Variants in NEBL observed in about 807,000 individuals in gnomAD.
NEBL encodes the protein LIM and SH3 protein 2.
Under a neutral mutation model 140.2 loss-of-function variants are expected in NEBL, and 122 were observed. The ratio of observed to expected loss-of-function variants is 0.87; its 90% confidence interval spans 0.75 to 1.01. The LOEUF (loss-of-function observed/expected upper bound fraction) is 1.01, where lower values mean the gene tolerates loss of function less well. Ranked by LOEUF, NEBL falls within the 50% of genes least tolerant of loss-of-function variation. The pLI, the probability that NEBL is intolerant of heterozygous loss-of-function variation, is 0.00. For synonymous variants in NEBL, 436 were observed against 398.9 expected (o/e 1.09, Z -1.11); for missense variants, 1,365 against 1,231.3 (o/e 1.11, Z -1.62).
At chr10:20,826,634 A>G (rs933282622) in intron 17 of NEBL, 95 bp from the exon 18 acceptor site, 11 of 894,600 alleles carry the variant, frequency 1.2e-5, no homozygotes, top group Non-Finnish European at 1.8e-5. Flanking sequence ...GTTTTATAAT[A>G]ATATGAATAC....
chr10:20,876,194 C>T lies in NEBL; in HGVS notation c.480+4600G>A, dbSNP rs148126554. Among the ~76,000 whole-genome samples the T allele has an allele frequency of 3.3e-3, 510 of 152,240 alleles. 2 individuals are homozygous for T. Among genetic ancestry groups the T allele is most frequent in the African/African-American group, 0.012 (493 of 41,560 alleles). On this transcript the variant is annotated intron_variant, in intron 5 of 27. Coordinates refer to ENST00000377122, the MANE Select transcript of NEBL (RefSeq NM_006393.3). ...GAAGAGAGAAAAAGTTTTCAGTCTT[C>T]CAAAAGAAGGAGTAAAATACAGAGT...
At chr10:21,018,772 G>A (rs2131765263) in intron 3 of NEBL, among the ~76,000 whole-genome samples, 1 of 152,296 alleles carries the variant, frequency 6.6e-6, no homozygotes, top group African/African-American at 2.4e-5. Flanking sequence ...GGCTCACGCT[G>A]TAATCCCAGC....
At chr10:21,068,136 C>T (rs953934164) in intron 2 of NEBL, among the ~76,000 whole-genome samples, 20 of 152,174 alleles carry the variant, frequency 1.3e-4, no homozygotes, top group African/African-American at 2.9e-4. Context: ...CATGATTCTA[C>T]ACTTTACATT....
chr10:21,227,791 T>TTTC lies in NEBL; in HGVS notation n.348+20127_348+20129dup, dbSNP rs148503650. Among the ~76,000 whole-genome samples the TTTC allele has an allele frequency of 2.5e-3, 371 of 146,548 alleles. 4 individuals carry two copies. The highest frequency in any genetic ancestry group is 6.9e-3 in the Middle Eastern group (2 of 288). On this transcript the variant is annotated intron_variant and non_coding_transcript_variant, in intron 3 of 8. Coordinates refer to the NEBL transcript ENST00000675702. ...TTCTTTCTGCTTCTTCTTTCTCTTC[T>TTTC]TTCTTCTTCTTCTTCTTCTTCTTGT...
At chr10:21,204,056 G>A (rs749501480) in intron 3 of NEBL, among the ~76,000 whole-genome samples, 6 of 152,142 alleles carry the variant, frequency 3.9e-5, no homozygotes, top group South Asian at 2.1e-4. Flanking sequence ...GCTGTTTATC[G>A]GAGATGTGAG....
chr10:21,274,383 T>A (rs1488246345), intron 1 of NEBL, among the ~76,000 whole-genome samples: 1 of 152,210 alleles, frequency 6.6e-6, no homozygotes, highest in Non-Finnish European at 1.5e-5. Flanking sequence ...ACATATTTCC[T>A]ATGTTCTATG....
intron 12 of NEBL, among the ~76,000 whole-genome samples, chr10:20,842,699 T>C (rs1270855644): frequency 6.6e-6 from 1 of 152,034 alleles, no homozygotes; most frequent in East Asian, 1.9e-4. Flanking sequence ...CTAAATAATA[T>C]ATCCATTACC....
At chr10:21,110,489 G>A (rs1837946380) in intron 2 of NEBL, among the ~76,000 whole-genome samples, 1 of 152,012 alleles carries the variant, frequency 6.6e-6, no homozygotes, top group Non-Finnish European at 1.5e-5. Flanking sequence ...CTGTAGTAAT[G>A]TCATTTCTGT....
exon 1 of NEBL, among the ~76,000 whole-genome samples, chr10:21,293,001 A>C (rs1234525080): frequency 6.6e-6 from 1 of 152,186 alleles, no homozygotes. Context: ...AGAGCAAGTA[A>C]AAGAGTCTCC....
At chr10:21,219,997 T>G (rs1368790659) in intron 3 of NEBL, among the ~76,000 whole-genome samples, 1 of 151,884 alleles carries the variant, frequency 6.6e-6, no homozygotes, top group Admixed American at 6.6e-5. Flanking sequence ...CACTGCAACC[T>G]CCACCTCCCA....
At chr10:20,804,791 T>C (rs1472893588) in intron 26 of NEBL, among the ~76,000 whole-genome samples, 1 of 152,068 alleles carries the variant, frequency 6.6e-6, no homozygotes, top group Admixed American at 6.6e-5. Flanking sequence ...CAAGATCAGA[T>C]ATGGGTCTTG....
intron 3 of NEBL, among the ~76,000 whole-genome samples, chr10:21,238,230 C>T (rs920486928): frequency 1.3e-5 from 2 of 152,212 alleles, no homozygotes; most frequent in South Asian, 2.1e-4. Context: ...GAAGTATACA[C>T]ACATTTTCCG....
At chr10:21,260,630 C>T (rs1842726568) in intron 1 of NEBL, among the ~76,000 whole-genome samples, 1 of 152,108 alleles carries the variant, frequency 6.6e-6, no homozygotes, top group African/African-American at 2.4e-5. Context: ...CCAAGTATTC[C>T]GTTAAAACCC....
intron 1 of NEBL, among the ~76,000 whole-genome samples, chr10:21,288,839 TA>T (rs1843102435): frequency 1.2e-5 from 1 of 86,574 alleles, no homozygotes; most frequent in African/African-American, 4.7e-5. Flanking sequence ...TATATATATA[TA>T]TATATATATA....
In NEBL at chr10:21,285,998, C is replaced by A. The variant is rs1302685815; in HGVS notation, n.182+6832G>T. On this transcript the variant is annotated intron_variant and non_coding_transcript_variant, in intron 1 of 8. Transcript: ENST00000675702. ...GGCCACATTCCATGCGGGGCTCAGA[C>A]CTTCTGGCTTTTTACATCACCGCTC... Among the ~76,000 whole-genome samples, 9 of 152,328 alleles carry A rather than the reference C, an allele frequency of 5.9e-5. No individual in the cohort carries two copies. In the East Asian group the frequency reaches 1.3e-3, roughly 23 times the overall value.
chr10:20,806,748 C>T (rs892238580), intron 26 of NEBL, among the ~76,000 whole-genome samples: 3 of 152,206 alleles, frequency 2.0e-5, no homozygotes, highest in Non-Finnish European at 4.4e-5. Flanking sequence ...AGTGCACAAA[C>T]AGCACTCAGT....
At chr10:21,140,961 A>T (rs1186917497) in intron 2 of NEBL, among the ~76,000 whole-genome samples, 1 of 150,690 alleles carries the variant, frequency 6.6e-6, no homozygotes, top group Non-Finnish European at 1.5e-5. Flanking sequence ...AGTAAAATTA[A>T]AAAAAAAAGC....
upstream of NEBL, chr10:20,897,392 C>T (rs1354867815): frequency 2.0e-5 from 28 of 1,386,234 alleles, no homozygotes; most frequent in Non-Finnish European, 2.5e-5. Context: ...GAAAAGGATC[C>T]CAGAGGTCTA....
At chr10:21,242,835 T>G (rs1294873414) in intron 3 of NEBL, among the ~76,000 whole-genome samples, 2 of 152,128 alleles carry the variant, frequency 1.3e-5, no homozygotes, top group Non-Finnish European at 2.9e-5. Context: ...CTAAGGAAGC[T>G]GTAAACCAAG....
Sources: gnomAD v4.1 joint callset for allele counts (sites outside exome capture counted in the v4.1 genomes callset) on GRCh38, gnomAD v4.1.1 for gene constraint, MANE v1.5 for transcripts, NCBI Gene and HGNC (gene_info 2026-07-23, HGNC 2026-07-21) for gene names.